The following EPC2 variants were observed in gnomAD, a reference collection of about 807,000 sequenced individuals.
EPC2 encodes the protein enhancer of polycomb homolog 2.
A neutral mutation model predicts 92.1 loss-of-function variants in EPC2; 14 were observed. That is an observed-to-expected ratio of 0.15 (90% CI 0.10 to 0.24). The LOEUF is 0.24. Ranked by LOEUF, EPC2 falls within the 10% of genes least tolerant of loss-of-function variation. The pLI, the probability that EPC2 is intolerant of heterozygous loss-of-function variation, is 1.00. For missense variants in EPC2, 755 were observed against 971.5 expected (o/e 0.78, Z 2.96); for synonymous variants, 340 against 334.7 (o/e 1.02, Z -0.17).
intron 2 of EPC2, among the ~76,000 whole-genome samples, chr2:148,706,532 A>G (rs2105380850): frequency 6.6e-6 from 1 of 152,338 alleles, no homozygotes; most frequent in South Asian, 2.1e-4. Flanking sequence ...AGCAACCCCA[A>G]GACACATAAT....
intron 1 of EPC2, among the ~76,000 whole-genome samples, chr2:148,669,173 A>G (rs1382477055): frequency 1.3e-5 from 2 of 152,066 alleles, no homozygotes; most frequent in Non-Finnish European, 2.9e-5. Context: ...TTTACATTTA[A>G]TATGATTTTT....
chr2:148,754,749 A>T (rs567774306), intron 4 of EPC2, among the ~76,000 whole-genome samples: 2 of 152,268 alleles, frequency 1.3e-5, no homozygotes, highest in East Asian at 3.9e-4. Flanking sequence ...GTTGTGTTCG[A>T]TTTCAAATTG....
chr2:148,656,001 C>CTGTGTTTGTGTGTGTGTGTGTGTG (rs777687880), intron 1 of EPC2, among the ~76,000 whole-genome samples: 20 of 59,954 alleles, frequency 3.3e-4, no homozygotes, highest in African/African-American at 1.2e-3. Flanking sequence ...CTGCTGTTAG[C>CTGTGTTTGTGTGTGTGTGTGTGTG]TGTGTGTGTG....
At chr2:148,698,777 T>C (rs577674016) in intron 2 of EPC2, among the ~76,000 whole-genome samples, 5 of 124,674 alleles carry the variant, frequency 4.0e-5, no homozygotes, top group Non-Finnish European at 6.3e-5. Context: ...AAAAAAATAA[T>C]AATTCTGTCT....
chr2:148,764,847 C>T, intron 6 of EPC2, 108 bp from the exon 7 acceptor site: 1 of 840,998 alleles, frequency 1.2e-6, no homozygotes, highest in Non-Finnish European at 1.6e-6. Flanking sequence ...ACAATAAAAT[C>T]ACCTCCTGGG....
chr2:148,688,189 A>C (rs1013778913), intron 1 of EPC2, among the ~76,000 whole-genome samples: 2 of 152,222 alleles, frequency 1.3e-5, no homozygotes, highest in African/African-American at 4.8e-5. Context: ...GACTGGATTA[A>C]GAAAATGTGG....
chr2:148,699,150 G>A (rs1681822616), intron 2 of EPC2, among the ~76,000 whole-genome samples: 1 of 151,878 alleles, frequency 6.6e-6, no homozygotes, highest in African/African-American at 2.4e-5. Context: ...TAAGATTTTA[G>A]GCTTTTTAAA....
At position 148,787,525 on chromosome 2, in the gene EPC2, A is replaced by T. The variant is rs1433184489; in HGVS notation, c.*1148A>T. ...CAACTTTCCCTGTTACTTGTTCTTG[A>T]TAAGTGAAAACTGCAGGGAAATAAA... is the stretch of plus-strand genomic sequence containing the variant. On this transcript the variant is annotated 3_prime_UTR_variant, in exon 14 of 14. Transcript: ENST00000258484. 1 of 152,634 alleles carries T rather than the reference A, an allele frequency of 6.6e-6. No homozygotes were observed. The allele number at this position is 152,634 out of a possible 1,614,324, so 9.5% of individuals were successfully genotyped here. A position where few individuals can be genotyped will look rare whatever the true frequency, so the allele number is the denominator to read the frequency against.
At chr2:148,646,338 C>T (rs1303307397) in intron 1 of EPC2, among the ~76,000 whole-genome samples, 3 of 152,204 alleles carry the variant, frequency 2.0e-5, no homozygotes, top group Admixed American at 6.5e-5. Flanking sequence ...CCTGTTAATA[C>T]TACTTTGCTC....
intron 10 of EPC2, among the ~76,000 whole-genome samples, chr2:148,772,040 C>T (rs1379969992): frequency 2.6e-5 from 4 of 152,106 alleles, no homozygotes; most frequent in African/African-American, 4.8e-5. Flanking sequence ...CTCAGGTGAT[C>T]CACCTGCCTC....
At chr2:148,759,655 A>G (rs1475542940) in intron 4 of EPC2, among the ~76,000 whole-genome samples, 1 of 152,010 alleles carries the variant, frequency 6.6e-6, no homozygotes, top group Non-Finnish European at 1.5e-5. Context: ...TATATCTTCA[A>G]CTTCTCTTGA....
chr2:148,667,509 A>G (rs1333249307), intron 1 of EPC2, among the ~76,000 whole-genome samples: 1 of 152,070 alleles, frequency 6.6e-6, no homozygotes, highest in Non-Finnish European at 1.5e-5. Flanking sequence ...CACTTATTCT[A>G]GTAGTTTTTT....
intron 4 of EPC2, among the ~76,000 whole-genome samples, chr2:148,758,430 C>T (rs112913724): frequency 1.3e-5 from 2 of 152,102 alleles, no homozygotes; most frequent in African/African-American, 4.8e-5. Flanking sequence ...GAGTCTCACT[C>T]TGTTGCCCAG....
intron 1 of EPC2, among the ~76,000 whole-genome samples, chr2:148,660,218 T>C (rs1238594718): frequency 3.9e-5 from 6 of 152,060 alleles, no homozygotes; most frequent in Non-Finnish European, 2.9e-5. Context: ...GAAAGAGAGG[T>C]TTGTTTTTTA....
chr2:148,774,671 T>G (rs1410161357), intron 10 of EPC2, among the ~76,000 whole-genome samples: 2 of 149,496 alleles, frequency 1.3e-5, no homozygotes, highest in Non-Finnish European at 3.0e-5. Flanking sequence ...TTTTATATAC[T>G]TGAAGGAAAA....
At chr2:148,647,878 C>A (rs1683837429) in intron 1 of EPC2, among the ~76,000 whole-genome samples, 1 of 152,134 alleles carries the variant, frequency 6.6e-6, no homozygotes, top group South Asian at 2.1e-4. Flanking sequence ...GCTCCACCTG[C>A]CTCGGCCTCC....
chr2:148,732,326 G>A (rs1288337300), intron 2 of EPC2, among the ~76,000 whole-genome samples: 1 of 151,504 alleles, frequency 6.6e-6, no homozygotes, highest in Non-Finnish European at 1.5e-5. Context: ...GTGCTTTATT[G>A]CAGTCTGTTT....
chr2:148,759,092 A>G (rs1342050513), intron 4 of EPC2, among the ~76,000 whole-genome samples: 1 of 152,076 alleles, frequency 6.6e-6, no homozygotes, highest in African/African-American at 2.4e-5. Flanking sequence ...ATGTATTGTT[A>G]TTATTATTAC....
chr2:148,769,771 C>T (rs1328445213), intron 8 of EPC2, among the ~76,000 whole-genome samples: 1 of 152,144 alleles, frequency 6.6e-6, no homozygotes, highest in Admixed American at 6.5e-5. Flanking sequence ...TATCACTCTC[C>T]AAGGTTCTCA....
Sources: allele counts gnomAD v4.1 joint callset (sites outside exome capture counted in the v4.1 genomes callset), GRCh38; gene constraint gnomAD v4.1.1; transcripts MANE v1.5; gene names NCBI Gene and HGNC (gene_info 2026-07-23, HGNC 2026-07-21).